Variants in LIN7A observed in about 807,000 individuals in gnomAD.
LIN7A encodes lin-7 cell polarity scaffold A.
In LIN7A, 25 loss-of-function variants were observed where a neutral mutation model predicts 29.8. The observed-to-expected ratio is 0.84, with a 90% confidence interval of 0.61 to 1.17. The LOEUF (loss-of-function observed/expected upper bound fraction) is 1.17. Ranked by LOEUF, LIN7A falls within the 50% of genes most tolerant of loss-of-function variation. LIN7A has a pLI of 0.00. For synonymous variants in LIN7A, 118 were observed against 107.5 expected, an observed-to-expected ratio of 1.10 and a Z score of -0.60; for missense variants, 239 against 287.0, an observed-to-expected ratio of 0.83 and a Z score of 1.21.
In LIN7A at chr12:80,807,063, G is replaced by GTTTTTTTTTTTTTTTTTTT. The variant is rs71094991; in HGVS notation, c.*4383_*4401dup. On this transcript the variant is annotated intron_variant, in intron 5 of 5. Transcript: ENST00000552864. ...CCATAGGAAATTTAATGAAGATGGA[G>GTTTTTTTTTTTTTTTTTTT]TTTTTTTTTTTTTTTTTTTTTTTTT... Among the ~76,000 whole-genome samples the GTTTTTTTTTTTTTTTTTTT allele has an allele frequency of 1.9e-3, 102 of 53,546 alleles. 18 individuals carry two copies. The highest frequency in any genetic ancestry group is 8.0e-3 in the African/African-American group (92 of 11,500). 35.1% of individuals were successfully genotyped at this position (53,546 alleles called of 152,430 possible). A position where few individuals can be genotyped will look rare whatever the true frequency, so the allele number is the denominator to read the frequency against.
chr12:80,811,479 TTTG>T lies in LIN7A; in HGVS notation c.685_687del (p.Gln229del), dbSNP rs746756449. The T allele has an allele frequency of 2.8e-6, 4 of 1,432,414 alleles. No individual in the cohort carries two copies. The African/African-American group carries it at 4.3e-5, about 16-fold the overall frequency. 88.7% of individuals were successfully genotyped at this position (1,432,414 alleles called of 1,614,324 possible). ...TCACTTCTCACCTATGACATGTGGTTTTGTTGTGTTTGTTGCTGCTGCTGCTGT... is the reference window on the plus strand; with the variant it reads ...TCACTTCTCACCTATGACATGTGGTTTTGTGTTTGTTGCTGCTGCTGCTGT... On this transcript the variant is annotated inframe_deletion, in exon 5 of 6. Coordinates refer to ENST00000552864, the MANE Select transcript of LIN7A (RefSeq NM_004664.4).
intron 1 of LIN7A, among the ~76,000 whole-genome samples, chr12:80,895,949 T>C (rs1255364005): frequency 6.6e-6 from 1 of 152,198 alleles, no homozygotes; most frequent in East Asian, 1.9e-4. Flanking sequence ...AGAAAAAATA[T>C]ATGCTTCACT....
chr12:80,861,976 T>C (rs1008763796), intron 2 of LIN7A, among the ~76,000 whole-genome samples: 1 of 152,232 alleles, frequency 6.6e-6, no homozygotes, highest in Admixed American at 6.5e-5. Context: ...TTTAGATTAT[T>C]TTAAAGGAGC....
chr12:80,855,520 C>T (rs1873552840), intron 2 of LIN7A, among the ~76,000 whole-genome samples: 1 of 151,794 alleles, frequency 6.6e-6, no homozygotes, highest in Admixed American at 6.6e-5. Flanking sequence ...AATTTAGCTC[C>T]CCACACTCTT....
intron 5 of LIN7A, among the ~76,000 whole-genome samples, chr12:80,798,206 A>G (rs1381179165): frequency 6.6e-6 from 1 of 152,320 alleles, no homozygotes; most frequent in South Asian, 2.1e-4. Context: ...ACACCACATG[A>G]AACAGAGTAG....
At chr12:80,912,713 C>CAAAAAA (rs5799498) in intron 1 of LIN7A, among the ~76,000 whole-genome samples, 4 of 135,364 alleles carry the variant, frequency 3.0e-5, no homozygotes, top group Admixed American at 1.5e-4. Flanking sequence ...AGACTTGTCT[C>CAAAAAA]AAAAAAAAAA....
chr12:80,842,390 G>T (rs10467040), intron 4 of LIN7A, among the ~76,000 whole-genome samples: 59,749 of 151,716 alleles, frequency 0.39, 11,917 homozygotes, highest in Non-Finnish European at 0.41. Flanking sequence ...TTAGAAAAAG[G>T]ATATGTCATG....
chr12:80,843,315 T>C (rs1201854250), intron 4 of LIN7A, among the ~76,000 whole-genome samples: 1 of 152,164 alleles, frequency 6.6e-6, no homozygotes, highest in Non-Finnish European at 1.5e-5. Context: ...GTCAATCTAA[T>C]AGGATTTCTG....
intron 2 of LIN7A, among the ~76,000 whole-genome samples, chr12:80,876,187 T>A (rs1381906387): frequency 1.3e-5 from 2 of 150,864 alleles, no homozygotes; most frequent in Non-Finnish European, 3.0e-5. Context: ...GTAGCTAGGA[T>A]CAAAACTATG....
At chr12:80,876,098 GAGAC>G (rs376307418) in intron 2 of LIN7A, among the ~76,000 whole-genome samples, 5 of 151,796 alleles carry the variant, frequency 3.3e-5, no homozygotes, top group African/African-American at 1.2e-4. Context: ...GAGAAAGAGA[GAGAC>G]AGACAGAGAG....
intron 1 of LIN7A, among the ~76,000 whole-genome samples, chr12:80,924,434 A>G (rs1877470950): frequency 6.6e-6 from 1 of 152,232 alleles, no homozygotes; most frequent in African/African-American, 2.4e-5. Flanking sequence ...ATTGTTGAGC[A>G]CTTACTATGG....
chr12:80,929,318 T>G (rs1377476266), intron 1 of LIN7A, among the ~76,000 whole-genome samples: 1 of 152,212 alleles, frequency 6.6e-6, no homozygotes, highest in Non-Finnish European at 1.5e-5. Context: ...AAATTTTATC[T>G]CTTTTATTGT....
intron 4 of LIN7A, among the ~76,000 whole-genome samples, chr12:80,831,897 A>C (rs1347478311): frequency 6.6e-6 from 1 of 152,226 alleles, no homozygotes; most frequent in African/African-American, 2.4e-5. Context: ...AAATGTAAAC[A>C]GATCATGGCC....
chr12:80,859,776 A>G (rs552199929), intron 2 of LIN7A, among the ~76,000 whole-genome samples: 1 of 152,326 alleles, frequency 6.6e-6, no homozygotes, highest in South Asian at 2.1e-4. Flanking sequence ...TACAATATAG[A>G]TACATATAAG....
intron 4 of LIN7A, 69 bp from the exon 5 acceptor site, chr12:80,811,752 A>C: frequency 6.5e-7 from 1 of 1,543,868 alleles, no homozygotes; most frequent in Non-Finnish European, 8.8e-7. Context: ...CAAATCTGAA[A>C]TTAATATCAC....
At chr12:80,832,646 G>A (rs1181898339) in intron 4 of LIN7A, 3 of 455,638 alleles carry the variant, frequency 6.6e-6, no homozygotes, top group Non-Finnish European at 4.5e-6. Flanking sequence ...GGTAGCTTCC[G>A]TGACATGGCT....
chr12:80,809,863 C>T (rs1871204849), intron 5 of LIN7A, among the ~76,000 whole-genome samples: 2 of 152,162 alleles, frequency 1.3e-5, no homozygotes, highest in South Asian at 4.2e-4. Context: ...ACAACTTTTT[C>T]AAAACTCTTA....
intron 1 of LIN7A, among the ~76,000 whole-genome samples, chr12:80,895,695 T>A (rs1203013130): frequency 6.6e-6 from 1 of 152,242 alleles, no homozygotes; most frequent in African/African-American, 2.4e-5. Flanking sequence ...GCCTTTGAAA[T>A]GGACAAACTG....
intron 5 of LIN7A, 21 bp from the exon 6 acceptor site, chr12:80,797,747 A>C (rs935900190): frequency 6.5e-6 from 1 of 152,674 alleles, no homozygotes; most frequent in Non-Finnish European, 1.5e-5. Context: ...AAAAGAGTGA[A>C]GAGAAATCAG....
Sources: gnomAD v4.1 joint callset for allele counts (sites outside exome capture counted in the v4.1 genomes callset) on GRCh38, gnomAD v4.1.1 for gene constraint, MANE v1.5 for transcripts, NCBI Gene and HGNC (gene_info 2026-07-23, HGNC 2026-07-21) for gene names.